The following SOCS5 variants were observed in gnomAD, a reference collection of about 807,000 sequenced individuals.
The protein encoded by SOCS5 is CIS-6.
In SOCS5, 32 loss-of-function variants were observed where a neutral mutation model predicts 42.8. That is an observed-to-expected ratio of 0.75 (90% CI 0.56 to 1.01). The LOEUF (loss-of-function observed/expected upper bound fraction) is 1.01, where lower values mean the gene tolerates loss of function less well. Among genes scored for constraint, SOCS5 ranks in the 50% least tolerant of loss-of-function variants. The probability of loss-of-function intolerance (pLI) is 0.00; values close to 1 mark genes in which losing one functional copy is unlikely to be tolerated. For missense variants in SOCS5, 627 were observed against 653.0 expected, an observed-to-expected ratio of 0.96 and a Z score of 0.43; for synonymous variants, 283 against 229.6, an observed-to-expected ratio of 1.23 and a Z score of -2.10.
chr2:46,705,712 C>T (rs947710760), intron 1 of SOCS5, among the ~76,000 whole-genome samples: 2 of 152,176 alleles, frequency 1.3e-5, no homozygotes, highest in Non-Finnish European at 2.9e-5. Context: ...ATGAGAACAG[C>T]AGTCCAACCC....
At chr2:46,728,613 A>G (rs562612079) in intron 1 of SOCS5, among the ~76,000 whole-genome samples, 75 of 152,208 alleles carry the variant, frequency 4.9e-4, no homozygotes, top group African/African-American at 1.3e-3. Context: ...CTGGAGTGCA[A>G]TGCTGCTATC....
intron 1 of SOCS5, among the ~76,000 whole-genome samples, chr2:46,707,944 C>A (rs1166829235): frequency 6.6e-6 from 1 of 152,142 alleles, no homozygotes; most frequent in East Asian, 1.9e-4. Flanking sequence ...TCATCTAACA[C>A]GAAGTCTGTT....
chr2:46,732,342 T>TG (rs1278459470), intron 1 of SOCS5, among the ~76,000 whole-genome samples: 2 of 152,164 alleles, frequency 1.3e-5, no homozygotes, highest in African/African-American at 4.8e-5. Flanking sequence ...ATGAGTGAAC[T>TG]GAGACTTGCC....
rs753813553 is a variant in SOCS5, at chr2:46,758,920, A to T, written c.390A>T (p.Thr130=). 6.2e-7 allele frequency: 1 copy of T among 1,614,052 alleles called. No homozygotes were observed. The highest frequency in any genetic ancestry group is 2.2e-5 in the East Asian group (1 of 44,882). The change falls in exon 2 of 2, where the codon ACA becomes ACT. Residue 130 remains threonine, a synonymous_variant. Transcript: ENST00000394861. ...GGAAGAAAAAACATTCCTGTTCTACAAAGACCCAGAGTTCATTGGATGCTG... is the reference window on the plus strand; with the variant it reads ...GGAAGAAAAAACATTCCTGTTCTACTAAGACCCAGAGTTCATTGGATGCTG... ...WGGKKKHSCS[T]KTQSSLDADK...
chr2:46,755,950 T>C (rs764417506), intron 1 of SOCS5, among the ~76,000 whole-genome samples: 4 of 152,274 alleles, frequency 2.6e-5, no homozygotes, highest in African/African-American at 9.6e-5. Context: ...AAATCAACTA[T>C]CTTTCTCCAT....
chr2:46,760,016 A>G lies in SOCS5; in HGVS notation c.1486A>G (p.Thr496Ala), dbSNP rs748863308. ...YICRAVICRC[T>A]TYDGIDGLPL... The stretch of plus-strand genomic sequence containing the variant: ...CTGTCGCGCGGTAATCTGCAGGTGC[A>G]CTACGTATGATGGAATTGATGGGCT... Residue 496 changes from threonine (T) to alanine (A), a missense_variant, in exon 2 of 2, where the codon ACT becomes GCT. Around this residue, in one of 3 missense-constraint regions of SOCS5, gnomAD observed 340 missense variants for 367.6 expected, o/e 0.92. Transcript: ENST00000394861. The G allele has an allele frequency of 2.5e-6, 4 of 1,614,024 alleles. No homozygotes were observed. Among genetic ancestry groups the G allele is most frequent in the South Asian group, 1.1e-5 (1 of 91,082 alleles).
chr2:46,734,069 G>GA (rs1673187987), intron 1 of SOCS5, among the ~76,000 whole-genome samples: 1 of 152,114 alleles, frequency 6.6e-6, no homozygotes, highest in Admixed American at 6.6e-5. Context: ...TGACACTTTG[G>GA]ACAGTATAAT....
At chr2:46,724,228 T>C (rs1439142944) in intron 1 of SOCS5, among the ~76,000 whole-genome samples, 1 of 144,324 alleles carries the variant, frequency 6.9e-6, no homozygotes, top group Non-Finnish European at 1.5e-5. Flanking sequence ...ATTTGTCTGC[T>C]TTTTTTTTTT....
At chr2:46,733,802 G>A (rs905196357) in intron 1 of SOCS5, among the ~76,000 whole-genome samples, 1 of 152,162 alleles carries the variant, frequency 6.6e-6, no homozygotes, top group Admixed American at 6.5e-5. Context: ...GCCTGTTACA[G>A]AGTAAGGTGC....
At chr2:46,729,207 T>A (rs1021009728) in intron 1 of SOCS5, among the ~76,000 whole-genome samples, 4 of 152,228 alleles carry the variant, frequency 2.6e-5, no homozygotes, top group African/African-American at 9.6e-5. Context: ...AAAATCTAAT[T>A]TTTTACTAAC....
chr2:46,731,019 A>G lies in SOCS5; in HGVS notation c.-12-27500A>G, dbSNP rs149637210. 1.1e-4 allele frequency among the ~76,000 whole-genome samples: 16 copies of G among 152,274 alleles called. No individual in the cohort carries two copies. In the East Asian group the frequency reaches 3.1e-3, roughly 29 times the overall value. ...TAGGCTTTATAGCCATTCTTTTTAT[A>G]TTCGATTTTAAGTCCATTACTCCAT... On this transcript the variant is annotated intron_variant, in intron 1 of 1. Coordinates refer to ENST00000394861, the MANE Select transcript of SOCS5 (RefSeq NM_144949.3).
At chr2:46,737,486 A>T (rs1232632750) in intron 1 of SOCS5, among the ~76,000 whole-genome samples, 6 of 152,300 alleles carry the variant, frequency 3.9e-5, no homozygotes, top group Non-Finnish European at 5.9e-5. Flanking sequence ...ATAACTGATT[A>T]TTATTAGTTT....
chr2:46,701,704 C>T (rs1252683558), intron 1 of SOCS5, among the ~76,000 whole-genome samples: 1 of 149,908 alleles, frequency 6.7e-6, no homozygotes, highest in Non-Finnish European at 1.5e-5. Context: ...CAATATGCTG[C>T]ATTGTTAGCG....
At chr2:46,714,412 A>C (rs1250422348) in intron 1 of SOCS5, among the ~76,000 whole-genome samples, 1 of 152,168 alleles carries the variant, frequency 6.6e-6, no homozygotes, top group Non-Finnish European at 1.5e-5. Context: ...TATCCCAGGT[A>C]GTTTCCGTTG....
rs1412268254 is a variant in SOCS5 at position 46,716,888 on chromosome 2, G to T, written c.-13+17439G>T. Among the ~76,000 whole-genome samples the T allele has an allele frequency of 2.0e-5, 3 of 152,098 alleles. No homozygotes were observed. In the South Asian group the frequency reaches 6.2e-4, roughly 32 times the overall value. Reference sequence around the variant, plus strand: ...ATAGCTTTTAGTTTAGGGCCTGTTTGGGCCCACCACTGAGGTGTGCACTTT... The same window carrying T: ...ATAGCTTTTAGTTTAGGGCCTGTTTTGGCCCACCACTGAGGTGTGCACTTT... On this transcript the variant is annotated intron_variant, in intron 1 of 1. Coordinates refer to ENST00000394861, the MANE Select transcript of SOCS5 (RefSeq NM_144949.3).
intron 1 of SOCS5, among the ~76,000 whole-genome samples, chr2:46,727,265 C>T (rs1286775210): frequency 6.6e-6 from 1 of 151,378 alleles, no homozygotes; most frequent in Non-Finnish European, 1.5e-5. Context: ...TCTCCTGCCT[C>T]AGCCTCCCGA....
Position 46,707,084 on chromosome 2 carries a change from C to G in SOCS5, c.-13+7635C>G, listed in dbSNP as rs79999055. ...GAGGATGCAGTGAAAATTTAGGTGG[C>G]AGGACTAGCACAGAAGGTAGAGGAG... is the stretch of plus-strand genomic sequence containing the variant. On this transcript the variant is annotated intron_variant, in intron 1 of 1. Transcript: ENST00000394861. Among the ~76,000 whole-genome samples, 886 of 152,076 alleles carry G rather than the reference C, an allele frequency of 5.8e-3. 1 individual carries two copies. The highest frequency in any genetic ancestry group is 8.8e-3 in the Non-Finnish European group (600 of 67,980).
rs150260501 is a variant in SOCS5, at chr2:46,734,871, T to C, written c.-12-23648T>C. On this transcript the variant is annotated intron_variant, in intron 1 of 1. Transcript: ENST00000394861. Reference sequence around the variant, plus strand: ...TGAGAGTCTCTCTCTTCCCCACTTTTCAGGTTGCTTTGTCTTTTACTTGAC... The same window carrying C: ...TGAGAGTCTCTCTCTTCCCCACTTTCCAGGTTGCTTTGTCTTTTACTTGAC... 6.1e-3 allele frequency among the ~76,000 whole-genome samples: 925 copies of C among 152,302 alleles called. 8 individuals carry two copies. The highest frequency in any genetic ancestry group is 0.01 in the Admixed American group (157 of 15,298).
chr2:46,708,614 T>G (rs1251841981), intron 1 of SOCS5, among the ~76,000 whole-genome samples: 4 of 152,176 alleles, frequency 2.6e-5, no homozygotes, highest in African/African-American at 9.7e-5. Context: ...ATTTACCTAT[T>G]ACCCATTGCC....
Sources: gnomAD v4.1 joint callset for allele counts (sites outside exome capture counted in the v4.1 genomes callset) on GRCh38, gnomAD v4.1.1 for gene constraint, gnomAD v4.1.1 regional missense constraint, MANE v1.5 for transcripts, NCBI Gene and HGNC (gene_info 2026-07-23, HGNC 2026-07-21) for gene names.